The following MYO9A variants were observed in gnomAD, a reference collection of about 807,000 sequenced individuals.
The protein encoded by MYO9A is myosin IXA, also known as unconventional myosin-IXa.
In MYO9A, 103 loss-of-function variants were observed where a neutral mutation model predicts 293.3. The ratio of observed to expected loss-of-function variants is 0.35; its 90% CI spans 0.30 to 0.41. The LOEUF (loss-of-function observed/expected upper bound fraction) is 0.41, where lower values mean the gene tolerates loss of function less well. Among genes scored for constraint, MYO9A ranks in the 10% least tolerant of loss-of-function variants. MYO9A has a pLI of 1.00. For missense variants in MYO9A, 2,685 were observed against 3,033.0 expected (o/e 0.89, Z 2.69); for synonymous variants, 1,001 against 1,035.7 (o/e 0.97, Z 0.64).
chr15:72,006,918 A>G (rs964683221), intron 8 of MYO9A, among the ~76,000 whole-genome samples: 2 of 152,206 alleles, frequency 1.3e-5, no homozygotes, highest in Admixed American at 1.3e-4. Context: ...AACAATTTTG[A>G]TACCACTATA....
chr15:71,951,439 TG>T (rs1242032000), intron 15 of MYO9A, among the ~76,000 whole-genome samples: 3 of 141,542 alleles, frequency 2.1e-5, no homozygotes, highest in Admixed American at 7.3e-5. Context: ...TTTTTTTTGT[TG>T]TTTTTTTTTT....
intron 4 of MYO9A, among the ~76,000 whole-genome samples, chr15:72,023,259 C>T (rs1047307296): frequency 2.6e-5 from 4 of 152,116 alleles, no homozygotes; most frequent in South Asian, 4.1e-4. Flanking sequence ...AATTGACTCT[C>T]GTCTAAGGAA....
At chr15:71,830,661 G>A (rs1042677473) in intron 39 of MYO9A, among the ~76,000 whole-genome samples, 1 of 152,116 alleles carries the variant, frequency 6.6e-6, no homozygotes. Flanking sequence ...TAACATTTCA[G>A]TTCTGCAGTC....
At chr15:71,918,437 A>G (rs2058069489) in intron 18 of MYO9A, among the ~76,000 whole-genome samples, 1 of 152,282 alleles carries the variant, frequency 6.6e-6, no homozygotes. Context: ...CACAGCTCAT[A>G]AAGTTACTGT....
At chr15:72,003,873 C>T (rs2076944378) in intron 8 of MYO9A, among the ~76,000 whole-genome samples, 1 of 152,110 alleles carries the variant, frequency 6.6e-6, no homozygotes, top group Admixed American at 6.5e-5. Context: ...GCTCATAAGG[C>T]TGACCTCTCT....
At chr15:72,101,124 C>T (rs2080290947) in intron 1 of MYO9A, among the ~76,000 whole-genome samples, 2 of 136,370 alleles carry the variant, frequency 1.5e-5, no homozygotes, top group South Asian at 4.9e-4. Context: ...GTCGGGGCAT[C>T]AGCCTCCCGC....
At chr15:71,894,053 A>T (rs550523549) in intron 25 of MYO9A, among the ~76,000 whole-genome samples, 1 of 152,344 alleles carries the variant, frequency 6.6e-6, no homozygotes, top group South Asian at 2.1e-4. Context: ...AATAAACTCA[A>T]GAAATAAAAT....
At position 72,032,600 on chromosome 15, in the gene MYO9A, A is replaced by T; in HGVS notation, c.841-12T>A. On this transcript the variant is annotated splice_polypyrimidine_tract_variant and intron_variant, in intron 2 of 41. Transcript: ENST00000356056. ...GCATTTCCAAAGGCCTGTCAAAATAAATAATTCTCATTAGTTTCACTAAAA... is the reference window on the plus strand; with the variant it reads ...GCATTTCCAAAGGCCTGTCAAAATATATAATTCTCATTAGTTTCACTAAAA... The T allele has an allele frequency of 6.3e-7, 1 of 1,574,886 alleles. No homozygotes were observed. Among genetic ancestry groups the T allele is most frequent in the African/African-American group, 1.4e-5 (1 of 72,468 alleles).
chr15:71,903,148 T>G, intron 21 of MYO9A, 85 bp from the exon 22 acceptor site: 1 of 1,161,980 alleles, frequency 8.6e-7, no homozygotes. Context: ...CTATTAATCT[T>G]TTCTCTTTCT....
At position 71,883,551 on chromosome 15, in the gene MYO9A, A is replaced by G. The variant is rs1596102474; in HGVS notation, c.5398+43T>C. Reference sequence around the variant, plus strand: ...AATAGCAAACTTTCAGAAAGAGTGAACAGAAATTATGAACACAAGTTCCAC... The same window carrying G: ...AATAGCAAACTTTCAGAAAGAGTGAGCAGAAATTATGAACACAAGTTCCAC... On this transcript the variant is annotated intron_variant, in intron 28 of 41. Transcript: ENST00000356056. 3.2e-6 allele frequency: 5 copies of G among 1,579,796 alleles called. No individual in the cohort carries two copies. The East Asian group carries it at 6.7e-5, about 21-fold the overall frequency.
chr15:71,872,646 CCT>C (rs2056551150), intron 32 of MYO9A, among the ~76,000 whole-genome samples: 1 of 151,956 alleles, frequency 6.6e-6, no homozygotes, highest in African/African-American at 2.4e-5. Context: ...AATATAAACC[CCT>C]GATCAAAAGG....
intron 17 of MYO9A, among the ~76,000 whole-genome samples, chr15:71,934,676 T>C (rs147641302): frequency 0.012 from 1,881 of 151,534 alleles, 62 homozygotes; most frequent in Admixed American, 0.058. Context: ...TCATGACTCA[T>C]TGCAGCCTCA....
At chr15:71,908,855 T>C (rs573982808) in intron 19 of MYO9A, among the ~76,000 whole-genome samples, 1 of 152,342 alleles carries the variant, frequency 6.6e-6, no homozygotes, top group African/African-American at 2.4e-5. Context: ...TTATTCACCA[T>C]TGCAGTATCA....
intron 18 of MYO9A, among the ~76,000 whole-genome samples, chr15:71,927,663 CT>C (rs1376885541): frequency 1.3e-5 from 2 of 152,030 alleles, no homozygotes; most frequent in African/African-American, 4.8e-5. Flanking sequence ...GTAGATCCCC[CT>C]GATATGGATG....
At chr15:71,849,069 A>G (rs2055517660) in intron 38 of MYO9A, 101 bp from the exon 39 acceptor site, 4 of 1,088,246 alleles carry the variant, frequency 3.7e-6, no homozygotes, top group Non-Finnish European at 3.8e-6. Flanking sequence ...AGATGAAGGA[A>G]AAAATTAACA....
intron 39 of MYO9A, among the ~76,000 whole-genome samples, chr15:71,842,306 G>C (rs995129232): frequency 1.3e-5 from 2 of 152,058 alleles, no homozygotes; most frequent in Non-Finnish European, 2.9e-5. Context: ...GAACCCAGGA[G>C]GCAGAGGTTG....
chr15:71,965,541 T>C (rs2075850829), intron 13 of MYO9A, among the ~76,000 whole-genome samples: 1 of 152,256 alleles, frequency 6.6e-6, no homozygotes, highest in East Asian at 1.9e-4. Context: ...AGGTCAGATG[T>C]TCGAGACCAG....
intron 2 of MYO9A, among the ~76,000 whole-genome samples, chr15:72,043,961 A>T (rs1444299547): frequency 2.0e-5 from 3 of 148,454 alleles, no homozygotes; most frequent in Non-Finnish European, 4.4e-5. Context: ...TAAATTGGCA[A>T]GCAAAAACCG....
intron 14 of MYO9A, among the ~76,000 whole-genome samples, chr15:71,952,627 A>G (rs1044663031): frequency 6.6e-5 from 10 of 152,194 alleles, no homozygotes; most frequent in African/African-American, 2.4e-4. Context: ...TATTAGCAAT[A>G]AAGAGTTTCC....
Sources: allele counts gnomAD v4.1 joint callset (sites outside exome capture counted in the v4.1 genomes callset), GRCh38; gene constraint gnomAD v4.1.1; transcripts MANE v1.5; gene names NCBI Gene and HGNC (gene_info 2026-07-23, HGNC 2026-07-21).